VTI1B: variants seen among roughly 807,000 people sequenced by gnomAD.
VTI1B encodes vesicle transport through interaction with t-SNAREs 1B.
In VTI1B, 18 loss-of-function variants were observed where a neutral mutation model predicts 28.6. The ratio of observed to expected loss-of-function variants is 0.63; its 90% CI spans 0.43 to 0.93. VTI1B has a LOEUF of 0.93. VTI1B is among the 40% of genes least tolerant of loss of function. The pLI, the probability that VTI1B is intolerant of heterozygous loss-of-function variation, is 0.00. For synonymous variants in VTI1B, 100 were observed against 107.9 expected, an observed-to-expected ratio of 0.93 and a Z score of 0.46; for missense variants, 283 against 297.0, an observed-to-expected ratio of 0.95 and a Z score of 0.35.
Position 67,651,252 on chromosome 14 carries a change from C to G in VTI1B, c.*133G>C. 1 of 1,534,582 alleles carries G rather than the reference C, an allele frequency of 6.5e-7. No homozygotes were observed. The highest frequency in any genetic ancestry group is 8.7e-7 in the Non-Finnish European group (1 of 1,143,680). On this transcript the variant is annotated 3_prime_UTR_variant, in exon 6 of 6. Transcript: ENST00000554659. ...TGGTTTTTCATCTTTCCTCCCTCCT[C>G]CCACAGCCTGGCTATACAGTGCATC...
intron 1 of VTI1B, among the ~76,000 whole-genome samples, chr14:67,672,439 TTTC>T (rs952019978): frequency 3.7e-5 from 4 of 108,746 alleles, no homozygotes; most frequent in Non-Finnish European, 6.6e-5. Flanking sequence ...TTTTTTTTCT[TTTC>T]TTTTCTTTTT....
chr14:67,647,984 G>T lies in VTI1B; in HGVS notation c.*3401C>A, dbSNP rs1025526653. 1.4e-6 allele frequency: 2 copies of T among 1,461,458 alleles called. No homozygotes were observed. The highest frequency in any genetic ancestry group is 1.2e-5 in the South Asian group (1 of 80,108). The allele number at this position is 1,461,458 out of a possible 1,614,324, so 90.5% of individuals were successfully genotyped here. On this transcript the variant is annotated 3_prime_UTR_variant, in exon 6 of 6. Transcript: ENST00000554659. ...AAGGAGTTGCAACCATAAGAAGGATGAGTGTCCAAGGACAACCAGTTAAGT... is the reference window on the plus strand; with the variant it reads ...AAGGAGTTGCAACCATAAGAAGGATTAGTGTCCAAGGACAACCAGTTAAGT...
intron 4 of VTI1B, among the ~76,000 whole-genome samples, chr14:67,656,067 G>A (rs1418968559): frequency 1.3e-5 from 2 of 151,996 alleles, no homozygotes; most frequent in Admixed American, 6.6e-5. Context: ...CCAACATGGC[G>A]AAACCCCATC....
chr14:67,652,016 A>G lies in VTI1B; in HGVS notation c.603-535T>C, dbSNP rs557734460. ...AACCTCTGGTTCTCATGTTCACTCT[A>G]GGTTTCTCCCTAGTCCACAAGGAAT... On this transcript the variant is annotated intron_variant, in intron 5 of 5. Transcript: ENST00000554659. Among the ~76,000 whole-genome samples the G allele has an allele frequency of 2.0e-5, 3 of 152,308 alleles. No homozygotes were observed. In the East Asian group the frequency reaches 5.8e-4, roughly 29 times the overall value.
chr14:67,667,492 G>A (rs1219525220), intron 1 of VTI1B, among the ~76,000 whole-genome samples: 1 of 152,154 alleles, frequency 6.6e-6, no homozygotes, highest in African/African-American at 2.4e-5. Context: ...TACTGACCTT[G>A]TAAGGGTTGT....
intron 4 of VTI1B, among the ~76,000 whole-genome samples, chr14:67,655,237 G>A (rs868477969): frequency 6.6e-6 from 1 of 151,672 alleles, no homozygotes; most frequent in African/African-American, 2.4e-5. Flanking sequence ...CTACACATGA[G>A]GATCACTTGA....
At chr14:67,666,582 A>G (rs1462774670) in intron 1 of VTI1B, among the ~76,000 whole-genome samples, 3 of 152,250 alleles carry the variant, frequency 2.0e-5, no homozygotes, top group African/African-American at 7.2e-5. Context: ...ACTGATCTCT[A>G]CCCAACTGAG....
intron 1 of VTI1B, among the ~76,000 whole-genome samples, chr14:67,663,674 AAAATAAAT>A (rs933474060): frequency 6.6e-6 from 1 of 152,186 alleles, no homozygotes; most frequent in African/African-American, 2.4e-5. Context: ...ACTCCATTTC[AAAATAAAT>A]AAATAAATAA....
At chr14:67,674,125 T>C in intron 1 of VTI1B, among the ~76,000 whole-genome samples, 1 of 152,206 alleles carries the variant, frequency 6.6e-6, no homozygotes, top group East Asian at 1.9e-4. Flanking sequence ...TCTGCTCTAT[T>C]TGCCACAGTG....
chr14:67,658,438 CA>C (rs971549433), intron 3 of VTI1B, among the ~76,000 whole-genome samples: 4 of 150,544 alleles, frequency 2.7e-5, no homozygotes, highest in Admixed American at 6.6e-5. Context: ...ACTAAAAGTA[CA>C]AAAAAAAATT....
intron 1 of VTI1B, among the ~76,000 whole-genome samples, chr14:67,666,570 A>G (rs1174673977): frequency 6.6e-6 from 1 of 152,240 alleles, no homozygotes; most frequent in Non-Finnish European, 1.5e-5. Flanking sequence ...ATAATTCAAG[A>G]GACTGATCTC....
Position 67,656,422 on chromosome 14 carries a change from C to T in VTI1B, c.534G>A (p.Lys178=). The change falls in exon 4 of 6, where the codon AAG becomes AAA. Residue 178 remains lysine (K), a synonymous_variant. Transcript: ENST00000554659. ...CCTGTCTGCCCAGACTTACTCTACT[C>T]TTGGTACGTTCTAACTGGTCTCGTT... ...GEQRDQLERT[K]SRLVNTSENL... 2 of 1,609,794 alleles carry T rather than the reference C, an allele frequency of 1.2e-6. No homozygotes were observed. The highest frequency in any genetic ancestry group is 1.3e-5 in the African/African-American group (1 of 74,944).
chr14:67,655,222 C>T (rs1333654588), intron 4 of VTI1B, among the ~76,000 whole-genome samples: 1 of 151,476 alleles, frequency 6.6e-6, no homozygotes, highest in Non-Finnish European at 1.5e-5. Flanking sequence ...ATGCCTGTAT[C>T]GCAGCTACAC....
At chr14:67,665,872 G>T (rs750620425) in intron 1 of VTI1B, among the ~76,000 whole-genome samples, 2 of 152,114 alleles carry the variant, frequency 1.3e-5, no homozygotes, top group Non-Finnish European at 2.9e-5. Context: ...AAAGGTAGAG[G>T]AAGGTTCACC....
At chr14:67,659,964 C>G in intron 2 of VTI1B, 42 bp from the exon 3 acceptor site, 1 of 1,579,248 alleles carries the variant, frequency 6.3e-7, no homozygotes, top group Non-Finnish European at 8.6e-7. Context: ...CTGGTTCTTC[C>G]CTCACTCATT....
chr14:67,670,394 C>T (rs907429374), intron 1 of VTI1B, among the ~76,000 whole-genome samples: 5 of 152,116 alleles, frequency 3.3e-5, no homozygotes, highest in Non-Finnish European at 7.3e-5. Flanking sequence ...TGTTTTACTC[C>T]TGTGTTGCCT....
intron 1 of VTI1B, among the ~76,000 whole-genome samples, chr14:67,664,275 T>C (rs1482376144): frequency 6.6e-6 from 1 of 152,188 alleles, no homozygotes; most frequent in African/African-American, 2.4e-5. Context: ...TGAAATTCCG[T>C]ACCCATCAAA....
chr14:67,651,170 A>ATTT lies in VTI1B; in HGVS notation c.*212_*214dup, dbSNP rs2037170298. On this transcript the variant is annotated 3_prime_UTR_variant, in exon 6 of 6. Transcript: ENST00000554659. ...TAAATTTAAAGAAGTCATAAACAGCATTTATTACCTTGGTATATCATACTG... is the reference window on the plus strand; with the variant it reads ...TAAATTTAAAGAAGTCATAAACAGCATTTTTTATTACCTTGGTATATCATACTG... 2.0e-6 allele frequency: 2 copies of ATTT among 1,008,408 alleles called. No individual in the cohort carries two copies. Among genetic ancestry groups the ATTT allele is most frequent in the Admixed American group, 2.8e-5 (1 of 35,298 alleles). The allele number at this position is 1,008,408 out of a possible 1,614,324, so 62.5% of individuals were successfully genotyped here.
At chr14:67,656,380 C>G in intron 4 of VTI1B, 36 bp downstream of exon 4, 1 of 1,528,188 alleles carries the variant, frequency 6.5e-7, no homozygotes, top group Non-Finnish European at 8.8e-7. Context: ...CCTAATTACC[C>G]CATACTTGCC....
Sources: allele counts gnomAD v4.1 joint callset (sites outside exome capture counted in the v4.1 genomes callset), GRCh38; gene constraint gnomAD v4.1.1; transcripts MANE v1.5; gene names NCBI Gene and HGNC (gene_info 2026-07-23, HGNC 2026-07-21).